The following DLG2 variants were observed in gnomAD, a reference collection of about 807,000 sequenced individuals.
The protein encoded by DLG2 is disks large homolog 2.
In DLG2, 45 loss-of-function variants were observed where a neutral mutation model predicts 132.5. The ratio of observed to expected loss-of-function variants is 0.34; its 90% CI spans 0.27 to 0.44. DLG2 has a LOEUF of 0.44. Ranked by LOEUF, DLG2 falls within the 20% of genes least tolerant of loss-of-function variation. The probability of loss-of-function intolerance (pLI) is 1.00; values close to 1 mark genes in which losing one functional copy is unlikely to be tolerated. For synonymous variants in DLG2, 424 were observed against 419.6 expected (o/e 1.01, Z -0.13); for missense variants, 1,045 against 1,196.9 (o/e 0.87, Z 1.87).
chr11:85,107,388 A>C (rs900789135), intron 6 of DLG2, among the ~76,000 whole-genome samples: 3 of 152,078 alleles, frequency 2.0e-5, no homozygotes, highest in Admixed American at 6.6e-5. Flanking sequence ...GAGGATATTC[A>C]GAACTGGGTT....
intron 19 of DLG2, among the ~76,000 whole-genome samples, chr11:83,550,004 G>A (rs1005560186): frequency 7.2e-5 from 11 of 152,134 alleles, no homozygotes; most frequent in Non-Finnish European, 1.2e-4. Flanking sequence ...TCATTTTATC[G>A]AAGGGAAGAT....
At chr11:85,492,801 C>G (rs1182486835) in intron 3 of DLG2, among the ~76,000 whole-genome samples, 1 of 151,502 alleles carries the variant, frequency 6.6e-6, no homozygotes, top group African/African-American at 2.4e-5. Context: ...CTTCTTCTAG[C>G]AGCTGAACCT....
At chr11:84,646,625 C>T (rs2154545942) in intron 6 of DLG2, among the ~76,000 whole-genome samples, 1 of 151,492 alleles carries the variant, frequency 6.6e-6, no homozygotes, top group South Asian at 2.1e-4. Flanking sequence ...AAAAAAAACT[C>T]TATTCTAGAA....
chr11:85,103,794 C>T (rs1302865032), intron 6 of DLG2, among the ~76,000 whole-genome samples: 2 of 151,782 alleles, frequency 1.3e-5, no homozygotes, highest in Non-Finnish European at 2.9e-5. Context: ...ACCCACAGAA[C>T]AGGAGAAAAT....
chr11:85,018,787 C>CTT (rs1377386873), intron 6 of DLG2, among the ~76,000 whole-genome samples: 1 of 143,880 alleles, frequency 7.0e-6, no homozygotes, highest in African/African-American at 2.6e-5. Context: ...GAAAACATGC[C>CTT]TTCTTTTTTT....
At chr11:83,995,738 C>T (rs576501781) in intron 11 of DLG2, among the ~76,000 whole-genome samples, 1 of 152,156 alleles carries the variant, frequency 6.6e-6, no homozygotes, top group Non-Finnish European at 1.5e-5. Flanking sequence ...ACAGTCTCTT[C>T]AATAAATGGT....
chr11:84,847,587 T>C (rs1024488907), intron 6 of DLG2, among the ~76,000 whole-genome samples: 1 of 152,168 alleles, frequency 6.6e-6, no homozygotes, highest in Non-Finnish European at 1.5e-5. Flanking sequence ...TTCTTCTTCA[T>C]AGCTTTGCCA....
intron 11 of DLG2, among the ~76,000 whole-genome samples, chr11:84,055,291 C>T (rs1327076127): frequency 6.6e-6 from 1 of 152,016 alleles, no homozygotes; most frequent in Non-Finnish European, 1.5e-5. Flanking sequence ...CTTTTTTCTC[C>T]TTCCTCCAAG....
chr11:85,320,407 G>A (rs1026276213), intron 3 of DLG2, among the ~76,000 whole-genome samples: 2 of 151,760 alleles, frequency 1.3e-5, no homozygotes, highest in African/African-American at 4.8e-5. Flanking sequence ...ATATTATGCA[G>A]TCTCTTAATC....
At chr11:85,207,596 C>T (rs564650660) in intron 4 of DLG2, among the ~76,000 whole-genome samples, 9 of 152,148 alleles carry the variant, frequency 5.9e-5, no homozygotes, top group Non-Finnish European at 1.0e-4. Flanking sequence ...CACATAGACC[C>T]ATTACATGTG....
At chr11:84,760,899 T>C (rs1429843691) in intron 6 of DLG2, among the ~76,000 whole-genome samples, 1 of 152,050 alleles carries the variant, frequency 6.6e-6, no homozygotes, top group Non-Finnish European at 1.5e-5. Context: ...ACCTTCCCAC[T>C]CCATCCCCCT....
At chr11:83,936,880 A>T (rs790367) in intron 14 of DLG2, among the ~76,000 whole-genome samples, 147,577 of 152,246 alleles carry the variant, frequency 0.97, 71,573 homozygotes, top group East Asian at 1. Context: ...GCTATAGTAG[A>T]ATTTTTGTGG....
chr11:83,643,175 A>T (rs2067082784), intron 18 of DLG2, among the ~76,000 whole-genome samples: 1 of 151,940 alleles, frequency 6.6e-6, no homozygotes, highest in Admixed American at 6.6e-5. Flanking sequence ...TTTTTTAAAA[A>T]TATCCCAACC....
chr11:84,693,675 A>G (rs1021868028), intron 6 of DLG2, among the ~76,000 whole-genome samples: 2 of 151,638 alleles, frequency 1.3e-5, no homozygotes, highest in African/African-American at 4.8e-5. Context: ...CACCTGGCTT[A>G]TACACTCTGA....
At chr11:84,381,531 T>C (rs2098749121) in intron 7 of DLG2, among the ~76,000 whole-genome samples, 1 of 152,194 alleles carries the variant, frequency 6.6e-6, no homozygotes, top group South Asian at 2.1e-4. Flanking sequence ...TTTCAGAATG[T>C]AAACTGGGTT....
At chr11:84,733,358 T>C (rs1369660194) in intron 6 of DLG2, among the ~76,000 whole-genome samples, 4 of 152,120 alleles carry the variant, frequency 2.6e-5, no homozygotes, top group Non-Finnish European at 4.4e-5. Flanking sequence ...TGGTATCTCA[T>C]TGTGGTTTTG....
At chr11:83,744,098 C>G (rs1369101437) in intron 18 of DLG2, among the ~76,000 whole-genome samples, 1 of 152,152 alleles carries the variant, frequency 6.6e-6, no homozygotes, top group African/African-American at 2.4e-5. Flanking sequence ...TGTTATCTTT[C>G]TACTGTCAAC....
At chr11:84,737,117 T>G (rs1396516567) in intron 6 of DLG2, among the ~76,000 whole-genome samples, 1 of 151,932 alleles carries the variant, frequency 6.6e-6, no homozygotes. Flanking sequence ...TGTCACATGG[T>G]TTTTCTATGC....
chr11:85,378,893 TGAC>T (rs2152927594), intron 3 of DLG2, among the ~76,000 whole-genome samples: 1 of 152,302 alleles, frequency 6.6e-6, no homozygotes, highest in East Asian at 1.9e-4. Flanking sequence ...TTAGGTATTC[TGAC>T]AGGAAAAATA....
Sources: allele counts gnomAD v4.1 joint callset (sites outside exome capture counted in the v4.1 genomes callset), GRCh38; gene constraint gnomAD v4.1.1; transcripts MANE v1.5; gene names NCBI Gene and HGNC (gene_info 2026-07-23, HGNC 2026-07-21).